WDFY1: variants seen among roughly 807,000 people sequenced by gnomAD.
WDFY1 encodes the protein WD repeat and FYVE domain-containing protein 1.
In WDFY1, 32 loss-of-function variants were observed where a neutral mutation model predicts 56.4. That is an observed-to-expected ratio of 0.57 (90% CI 0.43 to 0.76). WDFY1 has a LOEUF of 0.76. WDFY1 is among the 30% of genes least tolerant of loss of function. WDFY1 has a pLI of 0.00. For missense variants in WDFY1, 480 were observed against 545.7 expected (o/e 0.88, Z 1.20); for synonymous variants, 192 against 197.3 (o/e 0.97, Z 0.23).
At chr2:223,919,565 A>G (rs1195187803) in intron 1 of WDFY1, among the ~76,000 whole-genome samples, 1 of 152,138 alleles carries the variant, frequency 6.6e-6, no homozygotes. Flanking sequence ...GCTGGAGTGC[A>G]GTGGTGCAAT....
At chr2:223,903,257 C>G (rs1693534522) in intron 4 of WDFY1, among the ~76,000 whole-genome samples, 1 of 152,166 alleles carries the variant, frequency 6.6e-6, no homozygotes, top group South Asian at 2.1e-4. Context: ...CTTGGTGGCT[C>G]ATGCCTGTAA....
At chr2:223,943,447 AG>A (rs1382179968) in intron 1 of WDFY1, among the ~76,000 whole-genome samples, 4 of 152,188 alleles carry the variant, frequency 2.6e-5, no homozygotes, top group African/African-American at 9.7e-5. Flanking sequence ...AAGGACCAAC[AG>A]GAGTTGGGGG....
chr2:223,912,163 C>T (rs1693715454), intron 3 of WDFY1, 90 bp downstream of exon 3: 1 of 1,348,284 alleles, frequency 7.4e-7, no homozygotes, highest in Admixed American at 2.4e-5. Context: ...ATTGTTAATC[C>T]AAAGTTAACT....
intron 1 of WDFY1, among the ~76,000 whole-genome samples, chr2:223,937,359 T>C (rs1314560986): frequency 6.6e-6 from 1 of 152,186 alleles, no homozygotes; most frequent in East Asian, 1.9e-4. Context: ...ATGAAAATAA[T>C]AATAGCTAAC....
In WDFY1 at chr2:223,875,662, T is replaced by TA. The variant is rs1692956532; in HGVS notation, c.*3008dup. 1 of 152,232 alleles carries TA rather than the reference T, an allele frequency of 6.6e-6. No individual in the cohort carries two copies. The highest frequency in any genetic ancestry group is 1.5e-5 in the Non-Finnish European group (1 of 68,030). The allele number at this position is 152,232 out of a possible 1,614,324, so 9.4% of individuals were successfully genotyped here. On this transcript the variant is annotated 3_prime_UTR_variant, in exon 12 of 12. Transcript: ENST00000233055. ...TGCAGAAAATAGAATAGGCATTCAA[T>TA]AAATCTGCTCACAATTAACAATTAA... is the stretch of plus-strand genomic sequence containing the variant.
At chr2:223,918,584 T>C (rs1450266210) in intron 1 of WDFY1, among the ~76,000 whole-genome samples, 3 of 151,206 alleles carry the variant, frequency 2.0e-5, no homozygotes, top group Non-Finnish European at 4.4e-5. Flanking sequence ...TGAGCCGAGA[T>C]TGCGCCACTG....
chr2:223,897,390 A>ATATATTTTTT (rs1461451983), intron 6 of WDFY1, among the ~76,000 whole-genome samples: 8 of 125,992 alleles, frequency 6.3e-5, no homozygotes, highest in Non-Finnish European at 1.1e-4. Flanking sequence ...ATATATATAT[A>ATATATTTTTT]TTTTTTAAGA....
intron 1 of WDFY1, among the ~76,000 whole-genome samples, chr2:223,924,393 T>C (rs1693944592): frequency 1.3e-5 from 2 of 152,210 alleles, no homozygotes; most frequent in Admixed American, 1.3e-4. Context: ...AAACAGAGTC[T>C]CACTCCATCA....
chr2:223,884,387 T>C (rs1693134692), intron 9 of WDFY1, among the ~76,000 whole-genome samples: 1 of 152,196 alleles, frequency 6.6e-6, no homozygotes, highest in South Asian at 2.1e-4. Context: ...ATCTTTTATC[T>C]GTTTAAAAAT....
intron 4 of WDFY1, among the ~76,000 whole-genome samples, chr2:223,902,417 C>G (rs990626805): frequency 6.6e-6 from 1 of 152,064 alleles, no homozygotes; most frequent in African/African-American, 2.4e-5. Context: ...TTTTTAAAAC[C>G]AGCTGGGCAT....
At chr2:223,943,134 T>C in intron 1 of WDFY1, among the ~76,000 whole-genome samples, 1 of 148,462 alleles carries the variant, frequency 6.7e-6, no homozygotes, top group Non-Finnish European at 1.5e-5. Context: ...TGAGCCAAGA[T>C]GATGCCACTG....
At chr2:223,939,153 G>C (rs1320325825) in intron 1 of WDFY1, among the ~76,000 whole-genome samples, 2 of 152,164 alleles carry the variant, frequency 1.3e-5, no homozygotes, top group Non-Finnish European at 2.9e-5. Flanking sequence ...ACGTCACCTG[G>C]AAACTTGGCA....
chr2:223,923,760 CAAAA>C (rs914438443), intron 1 of WDFY1, among the ~76,000 whole-genome samples: 4 of 149,254 alleles, frequency 2.7e-5, no homozygotes, highest in African/African-American at 7.5e-5. Flanking sequence ...GACTCCGTCT[CAAAA>C]AAAAAAAATA....
chr2:223,913,993 C>CTTTTTTTTTTTTTTTTTTTTTTTTTTTTT, intron 2 of WDFY1, among the ~76,000 whole-genome samples: 1 of 88,152 alleles, frequency 1.1e-5, no homozygotes, highest in Non-Finnish European at 2.0e-5. Flanking sequence ...AATCAGTTAG[C>CTTTTTTTTTTTTTTTTTTTTTTTTTTTTT]TTTTTTTTTT....
chr2:223,908,395 G>A (rs549128785), intron 3 of WDFY1, among the ~76,000 whole-genome samples: 1 of 151,998 alleles, frequency 6.6e-6, no homozygotes, highest in African/African-American at 2.4e-5. Context: ...TGTCTTCTAC[G>A]TGCCATCCCA....
chr2:223,945,332 T>A lies in WDFY1; in HGVS notation c.-48A>T, dbSNP rs1689395716. ...CCTCCTCGGCAGGCAGCCCATCAGCTGACGCCTGGGCGGGCGGGGGACGCG... is the reference window on the plus strand; with the variant it reads ...CCTCCTCGGCAGGCAGCCCATCAGCAGACGCCTGGGCGGGCGGGGGACGCG... On this transcript the variant is annotated 5_prime_UTR_variant, in exon 1 of 12. Transcript: ENST00000233055. 1.3e-6 allele frequency: 2 copies of A among 1,513,814 alleles called. No homozygotes were observed. Among genetic ancestry groups the A allele is most frequent in the Non-Finnish European group, 1.8e-6 (2 of 1,140,162 alleles). 93.8% of individuals were successfully genotyped at this position (1,513,814 alleles called of 1,614,324 possible).
At chr2:223,891,321 T>C (rs915024792) in intron 8 of WDFY1, among the ~76,000 whole-genome samples, 2 of 130,796 alleles carry the variant, frequency 1.5e-5, no homozygotes, top group African/African-American at 5.8e-5. Context: ...ATGCGAAGGT[T>C]GCAGTGAGCC....
intron 1 of WDFY1, among the ~76,000 whole-genome samples, chr2:223,944,223 TC>T (rs1412116379): frequency 1.3e-5 from 2 of 152,166 alleles, no homozygotes; most frequent in African/African-American, 4.8e-5. Context: ...CGGCTGGAGT[TC>T]CTCGCAAAGA....
In WDFY1 at chr2:223,901,439, A is replaced by G. The variant is rs374455908; in HGVS notation, c.335-106T>C. The stretch of plus-strand genomic sequence containing the variant: ...CTGCTCAGCCAGGGCACAGCTGTGT[A>G]CAAGAGTGTACTGGAAATGCCTGTC... On this transcript the variant is annotated intron_variant, in intron 4 of 11. Transcript: ENST00000233055. 8.3e-6 allele frequency: 11 copies of G among 1,323,554 alleles called. No individual in the cohort carries two copies. In the South Asian group the frequency reaches 8.6e-5, roughly 10 times the overall value. The allele number at this position is 1,323,554 out of a possible 1,614,324, so 82.0% of individuals were successfully genotyped here. A position where few individuals can be genotyped will look rare whatever the true frequency, so the allele number is the denominator to read the frequency against.
Sources: allele counts gnomAD v4.1 joint callset (sites outside exome capture counted in the v4.1 genomes callset), GRCh38; gene constraint gnomAD v4.1.1; transcripts MANE v1.5; gene names NCBI Gene and HGNC (gene_info 2026-07-23, HGNC 2026-07-21).